Variants in MAPDA observed in about 807,000 individuals in gnomAD.
The protein encoded by MAPDA is N6-Methyl-AMP deaminase.
At chr15:43,350,501 C>G in the MAPDA span, among the ~76,000 whole-genome samples, 2 of 152,130 alleles carry the variant, frequency 1.3e-5, no homozygotes, top group Admixed American at 1.3e-4. Context: ...TCTGCTCATT[C>G]TTAGCTCTTT....
At chr15:43,332,797 G>T in the MAPDA span, among the ~76,000 whole-genome samples, 1 of 152,078 alleles carries the variant, frequency 6.6e-6, no homozygotes, top group East Asian at 1.9e-4. Context: ...AGTTCCCTGG[G>T]AGACAGGATA....
the MAPDA span, among the ~76,000 whole-genome samples, chr15:43,339,946 TC>T: frequency 6.6e-6 from 1 of 152,184 alleles, no homozygotes; most frequent in Admixed American, 6.5e-5. Context: ...TTGCACCATT[TC>T]TCTATTTTAT....
At chr15:43,351,693 G>T in the MAPDA span, 1 of 1,460,080 alleles carries the variant, frequency 6.8e-7, no homozygotes. Context: ...CAAAAAGATG[G>T]TTGTTTTTGA....
the MAPDA span, among the ~76,000 whole-genome samples, chr15:43,338,395 AC>A: frequency 6.6e-6 from 1 of 152,258 alleles, no homozygotes; most frequent in African/African-American, 2.4e-5. Flanking sequence ...ACTTGTTATT[AC>A]ATGTACCAGA....
At chr15:43,336,568 C>T in the MAPDA span, 1 of 1,345,142 alleles carries the variant, frequency 7.4e-7, no homozygotes, top group Non-Finnish European at 1.0e-6. Flanking sequence ...TTAATTCATT[C>T]AGTTAGTGAG....
chr15:43,337,913 G>A, the MAPDA span, among the ~76,000 whole-genome samples: 2 of 152,194 alleles, frequency 1.3e-5, no homozygotes, highest in African/African-American at 4.8e-5. Context: ...GCAACATAGT[G>A]TGGTAAGCTC....
At chr15:43,354,261 C>T in the MAPDA span, 1 of 152,150 alleles carries the variant, frequency 6.6e-6, no homozygotes, top group Non-Finnish European at 1.5e-5. Context: ...TTTTAAGGAA[C>T]AGGGGAGAGG....
chr15:43,350,167 G>C, the MAPDA span, among the ~76,000 whole-genome samples: 1 of 151,872 alleles, frequency 6.6e-6, no homozygotes. Flanking sequence ...CTGGGTTCAC[G>C]ACATTCTCCT....
chr15:43,331,934 G>C, the MAPDA span: 6 of 152,290 alleles, frequency 3.9e-5, no homozygotes, highest in African/African-American at 1.4e-4. Context: ...TGTTGGTCCT[G>C]TGAGGGAAAC....
the MAPDA span, among the ~76,000 whole-genome samples, chr15:43,348,347 A>T: frequency 2.0e-5 from 3 of 152,162 alleles, no homozygotes; most frequent in East Asian, 1.9e-4. Context: ...AACTTTTTTT[A>T]AAAAATCCCT....
chr15:43,351,713 C>T, the MAPDA span: 2 of 1,490,796 alleles, frequency 1.3e-6, no homozygotes, highest in South Asian at 2.7e-5. Context: ...AAAAATCCTT[C>T]CTTTTTCATT....
chr15:43,345,211 G>A, the MAPDA span, among the ~76,000 whole-genome samples: 1 of 151,914 alleles, frequency 6.6e-6, no homozygotes, highest in Non-Finnish European at 1.5e-5. Flanking sequence ...AAAATTAGCC[G>A]GGCGTGGTGG....
At chr15:43,337,085 G>A in the MAPDA span, among the ~76,000 whole-genome samples, 1 of 151,262 alleles carries the variant, frequency 6.6e-6, no homozygotes, top group South Asian at 2.1e-4. Flanking sequence ...TGGCTAACAC[G>A]GTGAAACCCT....
chr15:43,335,258 G>C, the MAPDA span: 1 of 1,392,672 alleles, frequency 7.2e-7, no homozygotes, highest in East Asian at 2.4e-5. Flanking sequence ...ATTTTGGCTG[G>C]GCGCAGTGGC....
the MAPDA span, chr15:43,351,559 C>G: frequency 1.8e-6 from 1 of 569,318 alleles, no homozygotes; most frequent in Non-Finnish European, 3.0e-6. Flanking sequence ...AGTTGAAACA[C>G]TGCTCTGGTA....
the MAPDA span, among the ~76,000 whole-genome samples, chr15:43,343,798 G>A: frequency 1.3e-5 from 2 of 151,650 alleles, no homozygotes; most frequent in East Asian, 3.9e-4. Context: ...GCTCAGTAAA[G>A]CCCTAAATGA....
At chr15:43,337,271 G>C in the MAPDA span, among the ~76,000 whole-genome samples, 1 of 118,408 alleles carries the variant, frequency 8.4e-6, no homozygotes, top group Admixed American at 9.8e-5. Context: ...GCGAGACTCC[G>C]TCTCAAAAAA....
At chr15:43,335,685 G>A in the MAPDA span, 3 of 1,598,504 alleles carry the variant, frequency 1.9e-6, no homozygotes, top group Non-Finnish European at 8.5e-7. Context: ...TTTACTGGTT[G>A]TATCTCTTAG....
At chr15:43,351,280 C>G in the MAPDA span, 13 of 405,998 alleles carry the variant, frequency 3.2e-5, no homozygotes, top group Non-Finnish European at 5.3e-5. Flanking sequence ...GAGCAGAGAT[C>G]ATGCCATTGC....
Sources: allele counts gnomAD v4.1 joint callset (sites outside exome capture counted in the v4.1 genomes callset), GRCh38; gene constraint gnomAD v4.1.1; transcripts MANE v1.5; gene names NCBI Gene and HGNC (gene_info 2026-07-23, HGNC 2026-07-21).